Variants in MCC observed in about 807,000 individuals in gnomAD.
MCC encodes the protein colorectal mutant cancer protein.
In MCC, 90 loss-of-function variants were observed where a neutral mutation model predicts 116.2. The observed-to-expected ratio is 0.77, with a 90% CI of 0.65 to 0.92. The LOEUF is 0.92. Among genes scored for constraint, MCC ranks in the 40% least tolerant of loss-of-function variants. The pLI is 0.00. For missense variants in MCC, 1,516 were observed against 1,312.2 expected, an observed-to-expected ratio of 1.16 and a Z score of -2.40; for synonymous variants, 578 against 510.5, an observed-to-expected ratio of 1.13 and a Z score of -1.78.
chr5:113,482,026 T>C (rs1168805319), intron 1 of MCC, among the ~76,000 whole-genome samples: 1 of 152,238 alleles, frequency 6.6e-6, no homozygotes, highest in Admixed American at 6.5e-5. Flanking sequence ...TGTGGCCTTT[T>C]GTGACTGGCT....
chr5:113,335,190 G>T (rs542592178), intron 3 of MCC, among the ~76,000 whole-genome samples: 1 of 151,596 alleles, frequency 6.6e-6, no homozygotes, highest in Non-Finnish European at 1.5e-5. Context: ...GACTGCAGAA[G>T]GAGAAATGAA....
chr5:113,404,872 T>C (rs1769788404), intron 1 of MCC, among the ~76,000 whole-genome samples: 1 of 151,560 alleles, frequency 6.6e-6, no homozygotes, highest in Admixed American at 6.6e-5. Flanking sequence ...CATACAAAAG[T>C]AGTAGTAAAA....
At chr5:113,266,876 G>C (rs867921754) in intron 3 of MCC, among the ~76,000 whole-genome samples, 1 of 151,894 alleles carries the variant, frequency 6.6e-6, no homozygotes, top group African/African-American at 2.4e-5. Flanking sequence ...GAACACAATG[G>C]GTCATAAAAT....
intron 3 of MCC, among the ~76,000 whole-genome samples, chr5:113,226,949 T>G (rs1013521843): frequency 3.9e-5 from 6 of 152,238 alleles, no homozygotes; most frequent in Non-Finnish European, 8.8e-5. Flanking sequence ...TAGGGATAAC[T>G]ATACCTGACT....
intron 3 of MCC, among the ~76,000 whole-genome samples, chr5:113,303,004 T>G (rs1316514849): frequency 6.6e-6 from 1 of 152,182 alleles, no homozygotes; most frequent in Non-Finnish European, 1.5e-5. Flanking sequence ...ATTCAGTGAA[T>G]GATTGGATAC....
At chr5:113,134,907 A>G (rs1016716848) in intron 5 of MCC, among the ~76,000 whole-genome samples, 1 of 150,832 alleles carries the variant, frequency 6.6e-6, no homozygotes, top group Non-Finnish European at 1.5e-5. Flanking sequence ...TTCTTTAGAG[A>G]GAATTTTGTA....
intron 7 of MCC, among the ~76,000 whole-genome samples, chr5:113,103,152 G>T (rs1324572605): frequency 1.3e-5 from 2 of 151,896 alleles, no homozygotes; most frequent in East Asian, 3.9e-4. Flanking sequence ...ATAAAGAAAA[G>T]AAAAGAAACA....
At chr5:113,134,968 G>C (rs1305117873) in intron 5 of MCC, among the ~76,000 whole-genome samples, 1 of 141,606 alleles carries the variant, frequency 7.1e-6, no homozygotes, top group Non-Finnish European at 1.5e-5. Context: ...TTTAAACAGA[G>C]TCTCGCTCTG....
intron 2 of MCC, among the ~76,000 whole-genome samples, chr5:113,349,334 A>C (rs901217555): frequency 6.6e-6 from 1 of 152,172 alleles, no homozygotes; most frequent in African/African-American, 2.4e-5. Flanking sequence ...AACACATGAT[A>C]AACTTCATTC....
intron 3 of MCC, among the ~76,000 whole-genome samples, chr5:113,271,403 G>A (rs1192481392): frequency 6.6e-6 from 1 of 152,164 alleles, no homozygotes; most frequent in Non-Finnish European, 1.5e-5. Context: ...ATAGACAAGA[G>A]GCCTACTTAT....
chr5:113,346,697 A>C (rs1051962365), intron 2 of MCC, among the ~76,000 whole-genome samples: 1 of 152,200 alleles, frequency 6.6e-6, no homozygotes, highest in African/African-American at 2.4e-5. Context: ...ACCTAGAGAA[A>C]GATATCAACA....
At chr5:113,435,290 G>C (rs184959229) in intron 1 of MCC, 1 of 167,244 alleles carries the variant, frequency 6.0e-6, no homozygotes, top group Admixed American at 5.6e-5. Context: ...ATTTAATAAA[G>C]GGACAATTAA....
At chr5:113,082,210 G>A (rs6859485) in intron 11 of MCC, among the ~76,000 whole-genome samples, 20,715 of 152,226 alleles carry the variant, frequency 0.14, 1,568 homozygotes, top group African/African-American at 0.21. Flanking sequence ...CATAAAATGG[G>A]GTATATGGTA....
At chr5:113,168,822 G>C (rs1341371667) in intron 3 of MCC, among the ~76,000 whole-genome samples, 2 of 152,040 alleles carry the variant, frequency 1.3e-5, no homozygotes, top group Non-Finnish European at 1.5e-5. Flanking sequence ...AGTCCACAAG[G>C]CTAATTCTAT....
At chr5:113,457,383 G>A (rs933960781) in intron 1 of MCC, among the ~76,000 whole-genome samples, 9 of 152,250 alleles carry the variant, frequency 5.9e-5, no homozygotes, top group African/African-American at 1.2e-4. Flanking sequence ...GCCTTCCCGC[G>A]GAGCAGGCCT....
At chr5:113,228,166 G>A (rs571364676) in intron 3 of MCC, among the ~76,000 whole-genome samples, 1 of 152,326 alleles carries the variant, frequency 6.6e-6, no homozygotes, top group South Asian at 2.1e-4. Context: ...TAGGTACAGG[G>A]CCTGCTATGG....
At chr5:113,315,704 C>CAAA (rs35274366) in intron 3 of MCC, among the ~76,000 whole-genome samples, 734 of 62,752 alleles carry the variant, frequency 0.012, no homozygotes, top group Non-Finnish European at 0.017. Flanking sequence ...CCCATCTCTA[C>CAAA]AAAAAAAAAA....
intron 3 of MCC, among the ~76,000 whole-genome samples, chr5:113,188,443 C>T (rs1209088272): frequency 6.6e-6 from 1 of 152,182 alleles, no homozygotes; most frequent in African/African-American, 2.4e-5. Flanking sequence ...AGGACAGCCA[C>T]AGTGACTGCA....
At chr5:113,180,879 A>G (rs1254400059) in intron 3 of MCC, among the ~76,000 whole-genome samples, 1 of 152,202 alleles carries the variant, frequency 6.6e-6, no homozygotes, top group East Asian at 1.9e-4. Flanking sequence ...ATAATTACGT[A>G]AAGTTACTTA....
Sources: gnomAD v4.1 joint callset for allele counts (sites outside exome capture counted in the v4.1 genomes callset) on GRCh38, gnomAD v4.1.1 for gene constraint, MANE v1.5 for transcripts, NCBI Gene and HGNC (gene_info 2026-07-23, HGNC 2026-07-21) for gene names.